The following MGST3 variants were observed in gnomAD, a reference collection of about 807,000 sequenced individuals.
MGST3 encodes glutathione S-transferase 3, mitochondrial.
A neutral mutation model predicts 15.8 loss-of-function variants in MGST3; 13 were observed. That is an observed-to-expected ratio of 0.82 (90% confidence interval 0.54 to 1.31). MGST3 has a LOEUF of 1.31. MGST3 is among the 50% of genes most tolerant of loss of function. The pLI is 0.00. For missense variants in MGST3, 155 were observed against 192.4 expected (o/e 0.81, Z 1.15); for synonymous variants, 49 against 68.1 (o/e 0.72, Z 1.38).
chr1:165,653,751 G>A (rs191667147), intron 4 of MGST3: 64 of 163,066 alleles, frequency 3.9e-4, no homozygotes, highest in Admixed American at 9.9e-4. Context: ...TGGGAGAAGC[G>A]CTCCCCTTCT....
intron 1 of MGST3, chr1:165,649,040 A>G: frequency 6.6e-6 from 1 of 152,402 alleles, no homozygotes; most frequent in Non-Finnish European, 1.5e-5. Context: ...TGACGGCAGA[A>G]CACACACCAG....
intron 4 of MGST3, among the ~76,000 whole-genome samples, chr1:165,652,328 T>C (rs1284082602): frequency 1.3e-5 from 2 of 152,236 alleles, no homozygotes; most frequent in Non-Finnish European, 2.9e-5. Flanking sequence ...CTAAGTTTCA[T>C]GTCTATAAGA....
intron 3 of MGST3, chr1:165,651,334 CTACAGTTTTGCAGCATGACCCAT>C (rs1267674989): frequency 5.1e-5 from 28 of 548,314 alleles, no homozygotes; most frequent in Non-Finnish European, 3.3e-5. Context: ...GCATTACCTA[CTACAGTTTTGCAGCATGACCCAT>C]CTAAACCGAT....
At chr1:165,636,118 T>G (rs569142096) in intron 1 of MGST3, among the ~76,000 whole-genome samples, 2 of 152,220 alleles carry the variant, frequency 1.3e-5, no homozygotes, top group Non-Finnish European at 2.9e-5. Context: ...TCTGAAAATG[T>G]AGTCTGAACC....
chr1:165,632,224 T>C, intron 1 of MGST3: 2 of 1,612,218 alleles, frequency 1.2e-6, no homozygotes, highest in Non-Finnish European at 1.7e-6. Context: ...TTTAATTCCT[T>C]CCCTGGGGAC....
intron 1 of MGST3, among the ~76,000 whole-genome samples, chr1:165,641,706 G>C (rs1162416267): frequency 6.6e-6 from 1 of 152,160 alleles, no homozygotes; most frequent in African/African-American, 2.4e-5. Flanking sequence ...AGAGAAATTA[G>C]ATACATCCTA....
Position 165,649,827 on chromosome 1 carries a change from T to G in MGST3, c.-7-14T>G. ...AGTGCTGGGGGCCGTCCCAACGTGT[T>G]CTTTCTTCCACAGACGCAAGATGGC... On this transcript the variant is annotated splice_polypyrimidine_tract_variant and intron_variant, in intron 1 of 5. Coordinates refer to ENST00000367889, the MANE Select transcript of MGST3 (RefSeq NM_004528.4). 1 of 1,613,930 alleles carries G rather than the reference T, an allele frequency of 6.2e-7. No individual in the cohort carries two copies. Among genetic ancestry groups the G allele is most frequent in the Non-Finnish European group, 8.5e-7 (1 of 1,179,990 alleles).
rs9333376 is a variant in MGST3 at position 165,631,872 on chromosome 1, G to T, written c.-8+579G>T. On this transcript the variant is annotated intron_variant, in intron 1 of 5. Transcript: ENST00000367889. ...TAGAATCGTTTGTCCATTTGTACTGGGAAGGTGGTCATTTCCTACCGCTGA... is the reference window on the plus strand; with the variant it reads ...TAGAATCGTTTGTCCATTTGTACTGTGAAGGTGGTCATTTCCTACCGCTGA... Among the ~76,000 whole-genome samples the T allele has an allele frequency of 9.8e-3, 1,492 of 152,336 alleles. 51 individuals are homozygous for T. The highest frequency in any genetic ancestry group is 0.059 in the Admixed American group (903 of 15,306).
chr1:165,633,483 AT>A (rs1557989647), intron 1 of MGST3, among the ~76,000 whole-genome samples: 1 of 151,334 alleles, frequency 6.6e-6, no homozygotes, highest in African/African-American at 2.4e-5. Flanking sequence ...TAATTTTTTT[AT>A]TTTTTTATTC....
At chr1:165,631,905 CAA>C (rs1395870811) in intron 1 of MGST3, among the ~76,000 whole-genome samples, 1 of 152,230 alleles carries the variant, frequency 6.6e-6, no homozygotes. Context: ...TGACTTAGAG[CAA>C]GAGACGCCTC....
At position 165,638,793 on chromosome 1, in the gene MGST3, T is replaced by TCAA. The variant is rs144430330; in HGVS notation, c.-8+7500_-8+7501insCAA. On this transcript the variant is annotated intron_variant, in intron 1 of 5. Transcript: ENST00000367889. The stretch of plus-strand genomic sequence containing the variant: ...CTGTGGGACAGAGAGAGACTCCGTC[T>TCAA]TAAAAAAAAAAAAAAACCCACATTC... 2.3e-3 allele frequency among the ~76,000 whole-genome samples: 337 copies of TCAA among 144,480 alleles called. 3 individuals are homozygous for TCAA. The highest frequency in any genetic ancestry group is 8.2e-3 in the African/African-American group (315 of 38,226). 94.8% of individuals were successfully genotyped at this position (144,480 alleles called of 152,430 possible).
chr1:165,651,342 T>C (rs1483713455), intron 3 of MGST3: 1 of 534,000 alleles, frequency 1.9e-6, no homozygotes, highest in Admixed American at 3.0e-5. Flanking sequence ...TACTACAGTT[T>C]TGCAGCATGA....
intron 1 of MGST3, chr1:165,646,848 G>A (rs1331386891): frequency 1.3e-5 from 2 of 152,296 alleles, no homozygotes; most frequent in African/African-American, 4.8e-5. Flanking sequence ...ACCTCACTTG[G>A]TAGGAGTGCA....
intron 1 of MGST3, among the ~76,000 whole-genome samples, chr1:165,641,157 T>C (rs1002795570): frequency 1.3e-5 from 2 of 151,238 alleles, no homozygotes; most frequent in South Asian, 4.3e-4. Flanking sequence ...CACTCTAGCC[T>C]GGGGGGAAGA....
In MGST3 at chr1:165,650,277, G is replaced by C. The variant is rs1274699855; in HGVS notation, c.117+313G>C. 3 of 390,054 alleles carry C rather than the reference G, an allele frequency of 7.7e-6. 1 individual carries two copies. Among genetic ancestry groups the C allele is most frequent in the East Asian group, 5.8e-5 (1 of 17,118 alleles). The allele number at this position is 390,054 out of a possible 1,614,324, so 24.2% of individuals were successfully genotyped here. ...GAGAGTTACTGTATTTTCCACAGAG[G>C]GTTAAATAGCAATATTGTTTCATGG... On this transcript the variant is annotated intron_variant, in intron 2 of 5. Coordinates refer to ENST00000367889, the MANE Select transcript of MGST3 (RefSeq NM_004528.4).
chr1:165,641,360 T>C (rs986359691), intron 1 of MGST3, among the ~76,000 whole-genome samples: 1 of 152,194 alleles, frequency 6.6e-6, no homozygotes, highest in African/African-American at 2.4e-5. Context: ...TATATTCTGG[T>C]TGAATAAATG....
intron 1 of MGST3, chr1:165,645,746 C>T (rs1477715460): frequency 2.6e-5 from 4 of 152,198 alleles, no homozygotes; most frequent in African/African-American, 9.7e-5. Context: ...AGCTCCATTA[C>T]AGTCTTATGG....
chr1:165,636,802 T>C (rs904212438), intron 1 of MGST3: 1 of 152,192 alleles, frequency 6.6e-6, no homozygotes, highest in African/African-American at 2.4e-5. Context: ...TTGAGCATTG[T>C]GTGAGCTCCG....
rs1648694574 is a variant in MGST3, at chr1:165,655,867, C to G, written c.*363C>G. On this transcript the variant is annotated 3_prime_UTR_variant, in exon 6 of 6. Transcript: ENST00000367889. Reference sequence around the variant, plus strand: ...TATGCATTATCACTTGCTACAGATACTCCAAGGCCAAAGGAATGCTTGAGC... The same window carrying G: ...TATGCATTATCACTTGCTACAGATAGTCCAAGGCCAAAGGAATGCTTGAGC... 3.7e-6 allele frequency: 1 copy of G among 266,802 alleles called. No homozygotes were observed. 16.5% of individuals were successfully genotyped at this position (266,802 alleles called of 1,614,324 possible).
Sources: allele counts gnomAD v4.1 joint callset (sites outside exome capture counted in the v4.1 genomes callset), GRCh38; gene constraint gnomAD v4.1.1; transcripts MANE v1.5; gene names NCBI Gene and HGNC (gene_info 2026-07-23, HGNC 2026-07-21).